The following NOX4 variants were observed in gnomAD, a reference collection of about 807,000 sequenced individuals.
NOX4 encodes NADPH oxidase 4.
A neutral mutation model predicts 87.6 loss-of-function variants in NOX4; 69 were observed. The observed-to-expected ratio is 0.79, with a 90% CI of 0.65 to 0.96. The LOEUF (loss-of-function observed/expected upper bound fraction) is 0.96. Among genes scored for constraint, NOX4 ranks in the 40% least tolerant of loss-of-function variants. The pLI is 0.00. For missense variants in NOX4, 680 were observed against 681.5 expected, an observed-to-expected ratio of 1.00 and a Z score of 0.02; for synonymous variants, 275 against 238.2, an observed-to-expected ratio of 1.15 and a Z score of -1.42.
intron 8 of NOX4, among the ~76,000 whole-genome samples, chr11:89,418,000 A>T (rs755400047): frequency 9.2e-5 from 14 of 152,236 alleles, no homozygotes; most frequent in Middle Eastern, 6.8e-3. Flanking sequence ...AAAAAGAAAC[A>T]TCTAGTTTAG....
At chr11:89,384,965 G>C (rs117661094) in intron 11 of NOX4, among the ~76,000 whole-genome samples, 2,943 of 152,112 alleles carry the variant, frequency 0.019, 81 homozygotes, top group East Asian at 0.13. Context: ...GTTTATCGAT[G>C]GCAGTTCCAC....
At chr11:89,517,085 C>T in the NOX4 span, among the ~76,000 whole-genome samples, 1 of 151,928 alleles carries the variant, frequency 6.6e-6, no homozygotes, top group Non-Finnish European at 1.5e-5. Context: ...ATGCAAAGGG[C>T]TTAAATGACC....
intron 11 of NOX4, among the ~76,000 whole-genome samples, chr11:89,397,605 T>C (rs1941575910): frequency 1.3e-5 from 2 of 151,870 alleles, no homozygotes; most frequent in Admixed American, 6.6e-5. Flanking sequence ...AAGAATCAAA[T>C]AGATGTAATA....
chr11:89,399,784 C>T (rs1440928223), intron 11 of NOX4, among the ~76,000 whole-genome samples: 1 of 151,648 alleles, frequency 6.6e-6, no homozygotes, highest in East Asian at 1.9e-4. Flanking sequence ...AATCAACAAG[C>T]TTTAATACGT....
chr11:89,330,682 T>A (rs1446970741), intron 17 of NOX4, among the ~76,000 whole-genome samples: 1 of 143,582 alleles, frequency 7.0e-6, no homozygotes, highest in African/African-American at 2.6e-5. Flanking sequence ...AAAGTGGAAT[T>A]ATAAAAAAAA....
chr11:89,365,196 A>C (rs1337559422), intron 12 of NOX4, among the ~76,000 whole-genome samples: 1 of 152,130 alleles, frequency 6.6e-6, no homozygotes, highest in African/African-American at 2.4e-5. Flanking sequence ...ACAAAGGAAG[A>C]ATATTTAATG....
intron 12 of NOX4, among the ~76,000 whole-genome samples, chr11:89,361,600 T>G (rs2135006294): frequency 6.6e-6 from 1 of 152,006 alleles, no homozygotes; most frequent in Admixed American, 6.6e-5. Context: ...CCCCAAAAAC[T>G]ATTGAAACAA....
Position 89,400,323 on chromosome 11 carries a change from C to A in NOX4, c.903G>T (p.Arg301Ser), listed in dbSNP as rs772447746. The change falls in exon 10 of 18, where the codon AGG becomes AGT. Residue 301 changes from arginine (R) to serine (S), a missense_variant. Transcript: ENST00000263317. ...TGACTGGCTTATTGCTCCGGATATA[C>A]CTGTAAAGTCTTTCGGCACAGTACA... The part of the protein sequence containing the change: ...LCLYCAERLY[R>S]YIRSNKPVTI... 6.2e-7 allele frequency: 1 copy of A among 1,612,726 alleles called. No individual in the cohort carries two copies. The highest frequency in any genetic ancestry group is 8.5e-7 in the Non-Finnish European group (1 of 1,179,258).
At chr11:89,490,868 G>A in intron 1 of NOX4, 1 of 701,070 alleles carries the variant, frequency 1.4e-6, no homozygotes, top group Non-Finnish European at 2.6e-6. Flanking sequence ...GCAAACAGAA[G>A]TAATCTGGGA....
chr11:89,585,604 T>C, the NOX4 span, among the ~76,000 whole-genome samples: 1 of 152,198 alleles, frequency 6.6e-6, no homozygotes, highest in East Asian at 1.9e-4. Flanking sequence ...TTGCTGTGTT[T>C]CAATGAAACT....
At chr11:89,485,512 T>TA (rs1436821270) in intron 2 of NOX4, among the ~76,000 whole-genome samples, 1 of 152,052 alleles carries the variant, frequency 6.6e-6, no homozygotes, top group Non-Finnish European at 1.5e-5. Context: ...TATTAAAATG[T>TA]AAAAAACGCA....
chr11:89,378,116 C>T (rs1939988582), intron 11 of NOX4, among the ~76,000 whole-genome samples: 1 of 152,130 alleles, frequency 6.6e-6, no homozygotes, highest in African/African-American at 2.4e-5. Flanking sequence ...ATGGATTAAC[C>T]TTTTGTGTCA....
At chr11:89,556,940 T>G in the NOX4 span, 1 of 152,130 alleles carries the variant, frequency 6.6e-6, no homozygotes, top group Non-Finnish European at 1.5e-5. Context: ...GCATGATGTT[T>G]TAATGAAAAT....
At chr11:89,351,482 C>G (rs1212681269) in intron 13 of NOX4, among the ~76,000 whole-genome samples, 2 of 152,172 alleles carry the variant, frequency 1.3e-5, no homozygotes, top group Admixed American at 1.3e-4. Context: ...AGACAGCCAT[C>G]AAGTGGTAGA....
At chr11:89,473,725 C>T (rs1281123984) in intron 2 of NOX4, among the ~76,000 whole-genome samples, 1 of 151,990 alleles carries the variant, frequency 6.6e-6, no homozygotes, top group Non-Finnish European at 1.5e-5. Flanking sequence ...TATCTCTGTC[C>T]TCAAAATACT....
At chr11:89,446,403 A>G (rs1381316234) in intron 4 of NOX4, among the ~76,000 whole-genome samples, 1 of 152,102 alleles carries the variant, frequency 6.6e-6, no homozygotes, top group Non-Finnish European at 1.5e-5. Flanking sequence ...CCACACAAAA[A>G]CAGGCACATT....
At position 89,421,884 on chromosome 11, in the gene NOX4, A is replaced by G. The variant is rs761293760; in HGVS notation, c.629+18T>C. ...TTGGGGCACAAATGGTTTTAAATAC[A>G]TACATTTGTAAACTTACCCTGAAAC... is the stretch of plus-strand genomic sequence containing the variant. On this transcript the variant is annotated intron_variant, in intron 8 of 17. Coordinates refer to ENST00000263317, the MANE Select transcript of NOX4 (RefSeq NM_016931.5). 2.7e-6 allele frequency: 4 copies of G among 1,508,718 alleles called. No homozygotes were observed. In the East Asian group the frequency reaches 7.3e-5, roughly 28 times the overall value. The allele number at this position is 1,508,718 out of a possible 1,614,324, so 93.5% of individuals were successfully genotyped here. A position where few individuals can be genotyped will look rare whatever the true frequency, so the allele number is the denominator to read the frequency against.
intron 7 of NOX4, among the ~76,000 whole-genome samples, chr11:89,427,039 T>C (rs921014142): frequency 3.0e-4 from 45 of 152,082 alleles, no homozygotes; most frequent in Non-Finnish European, 1.6e-4. Context: ...AGAGGAATGA[T>C]CAGGCAGCAA....
rs536466584 is a variant in NOX4, at chr11:89,432,987, T to A, written c.476-131A>T. The A allele has an allele frequency of 4.7e-6, 3 of 634,144 alleles. No individual in the cohort carries two copies. In the South Asian group the frequency reaches 5.7e-5, roughly 12 times the overall value. 39.3% of individuals were successfully genotyped at this position (634,144 alleles called of 1,614,324 possible). A position where few individuals can be genotyped will look rare whatever the true frequency, so the allele number is the denominator to read the frequency against. On this transcript the variant is annotated intron_variant, in intron 6 of 17. Coordinates refer to ENST00000263317, the MANE Select transcript of NOX4 (RefSeq NM_016931.5). ...CTAATTCAAATCCCACATCTACATG[T>A]ATGTTCTCCCTCAAACAAGCCCTTT...
Sources: allele counts gnomAD v4.1 joint callset (sites outside exome capture counted in the v4.1 genomes callset), GRCh38; gene constraint gnomAD v4.1.1; transcripts MANE v1.5; gene names NCBI Gene and HGNC (gene_info 2026-07-23, HGNC 2026-07-21).